Variants in ATXN1 observed in about 807,000 individuals in gnomAD.
ATXN1 encodes ataxin-1.
ATXN1 carries 8 observed loss-of-function variants against 56.4 expected under a neutral mutation model. The observed-to-expected ratio is 0.14, with a 90% CI of 0.08 to 0.26. The LOEUF (loss-of-function observed/expected upper bound fraction) is 0.26, where lower values mean the gene tolerates loss of function less well. ATXN1 is among the 10% of genes least tolerant of loss of function. The pLI is 1.00. For synonymous variants in ATXN1, 514 were observed against 494.6 expected (o/e 1.04, Z -0.52); for missense variants, 987 against 1,106.5 (o/e 0.89, Z 1.53).
intron 5 of ATXN1, among the ~76,000 whole-genome samples, chr6:16,490,064 A>G (rs1361992747): frequency 6.6e-6 from 1 of 151,364 alleles, no homozygotes; most frequent in Non-Finnish European, 1.5e-5. Context: ...TTTTGAGTAC[A>G]TTTAATCACC....
chr6:16,405,344 T>C (rs1293998287), intron 6 of ATXN1, among the ~76,000 whole-genome samples: 1 of 152,220 alleles, frequency 6.6e-6, no homozygotes. Flanking sequence ...TTAGGAACTA[T>C]TCTGGATTCT....
At chr6:16,657,234 G>A (rs983653557) in intron 3 of ATXN1, among the ~76,000 whole-genome samples, 2 of 151,968 alleles carry the variant, frequency 1.3e-5, no homozygotes, top group South Asian at 2.1e-4. Flanking sequence ...TGATCCGCGC[G>A]CCTCGGCCTC....
At chr6:16,649,567 T>C (rs1356778887) in intron 3 of ATXN1, among the ~76,000 whole-genome samples, 6 of 152,252 alleles carry the variant, frequency 3.9e-5, no homozygotes, top group Non-Finnish European at 7.3e-5. Flanking sequence ...ATGTTAGAAT[T>C]TTCTAATGCC....
At chr6:16,370,221 G>C (rs911159412) in intron 6 of ATXN1, among the ~76,000 whole-genome samples, 2 of 152,204 alleles carry the variant, frequency 1.3e-5, no homozygotes, top group Non-Finnish European at 2.9e-5. Flanking sequence ...GCCTGGCAGG[G>C]CTGCTGCTTT....
chr6:16,514,281 T>TA (rs200213884), intron 5 of ATXN1, among the ~76,000 whole-genome samples: 3,310 of 151,556 alleles, frequency 0.022, 58 homozygotes, highest in Non-Finnish European at 0.035. Context: ...TTGTGGAGCT[T>TA]AAAAAAAAGA....
chr6:16,435,580 G>A (rs1377063041), intron 6 of ATXN1, among the ~76,000 whole-genome samples: 1 of 151,978 alleles, frequency 6.6e-6, no homozygotes, highest in Admixed American at 6.5e-5. Flanking sequence ...AAAGTGAGAT[G>A]AGAACTCCTA....
rs146643135 is a variant in ATXN1, at chr6:16,506,933, T to C, written c.-299+15694A>G. Among the ~76,000 whole-genome samples the C allele has an allele frequency of 7.9e-3, 1,204 of 152,314 alleles. 4 individuals carry two copies. Among genetic ancestry groups the C allele is most frequent in the Non-Finnish European group, 0.013 (911 of 68,026 alleles). ...ATGTAGGGATGTATGTACAGCTGGATGGATGAATGGACAGATGGATGGATG... is the reference window on the plus strand; with the variant it reads ...ATGTAGGGATGTATGTACAGCTGGACGGATGAATGGACAGATGGATGGATG... On this transcript the variant is annotated intron_variant, in intron 5 of 7. Transcript: ENST00000436367. This position sits in a 1 kb window ranked among gnomAD's most constrained non-coding sequence, Gnocchi z 4.1.
rs542018418 is a variant in ATXN1, at chr6:16,392,063, C to T, written c.-160-63593G>A. ...GCTGGGTGGCAGAAACTCTATGATA[C>T]CCCAAAGGAAACATCAACTCTTCTC... is the stretch of plus-strand genomic sequence containing the variant. On this transcript the variant is annotated intron_variant, in intron 6 of 7. Coordinates refer to ENST00000436367, the MANE Select transcript of ATXN1 (RefSeq NM_001128164.2). 1.0e-3 allele frequency among the ~76,000 whole-genome samples: 153 copies of T among 152,172 alleles called. 1 individual carries two copies. Among genetic ancestry groups the T allele is most frequent in the Non-Finnish European group, 1.0e-3 (70 of 68,026 alleles).
chr6:16,604,920 G>T (rs1477664186), intron 3 of ATXN1, among the ~76,000 whole-genome samples: 1 of 152,150 alleles, frequency 6.6e-6, no homozygotes, highest in African/African-American at 2.4e-5. Context: ...GAAAACGGAA[G>T]TCTGACTGTT....
intron 2 of ATXN1, among the ~76,000 whole-genome samples, chr6:16,708,524 T>C (rs1759454155): frequency 2.6e-5 from 4 of 152,194 alleles, no homozygotes; most frequent in Non-Finnish European, 4.4e-5. Context: ...TAAGGGCTCA[T>C]TGCAAGACCT....
intron 2 of ATXN1, among the ~76,000 whole-genome samples, chr6:16,748,734 T>A (rs1274849047): frequency 6.6e-6 from 1 of 152,142 alleles, no homozygotes; most frequent in African/African-American, 2.4e-5. Flanking sequence ...GTTTGCTCCA[T>A]CCCTCTTGTT....
intron 2 of ATXN1, among the ~76,000 whole-genome samples, chr6:16,679,845 T>C (rs1357432954): frequency 2.0e-5 from 3 of 152,246 alleles, no homozygotes; most frequent in African/African-American, 7.2e-5. Flanking sequence ...AGTAAGCTTC[T>C]TTAACTTTAA....
intron 2 of ATXN1, among the ~76,000 whole-genome samples, chr6:16,663,369 C>G (rs1758363587): frequency 6.6e-6 from 1 of 151,946 alleles, no homozygotes; most frequent in African/African-American, 2.4e-5. Context: ...ACCGGCAAGA[C>G]CAAAAAATTT....
At chr6:16,521,938 G>GT (rs1250221905) in intron 5 of ATXN1, among the ~76,000 whole-genome samples, 1 of 152,218 alleles carries the variant, frequency 6.6e-6, no homozygotes, top group Non-Finnish European at 1.5e-5. Context: ...TAGTCTATCA[G>GT]TATCAGTCTT....
chr6:16,483,127 T>C (rs1244219699), intron 6 of ATXN1, among the ~76,000 whole-genome samples: 2 of 151,732 alleles, frequency 1.3e-5, no homozygotes, highest in African/African-American at 2.4e-5. Flanking sequence ...TTGTACAAGA[T>C]CCCCCCTCCC....
rs1759966968 is a variant in ATXN1 at position 16,731,149 on chromosome 6, C to A, written c.-615+22084G>T. Reference sequence around the variant, plus strand: ...AGGAGGTTTAGTAGCCTAAAATATACTCTATTTTTCCCTTTAAGTGCAACT... The same window carrying A: ...AGGAGGTTTAGTAGCCTAAAATATAATCTATTTTTCCCTTTAAGTGCAACT... On this transcript the variant is annotated intron_variant, in intron 2 of 7. Transcript: ENST00000436367. Among the ~76,000 whole-genome samples the A allele has an allele frequency of 3.3e-5, 5 of 152,210 alleles. No homozygotes were observed. In the South Asian group the frequency reaches 1.0e-3, roughly 32 times the overall value.
chr6:16,690,728 G>A (rs1055853096), intron 2 of ATXN1, among the ~76,000 whole-genome samples: 2 of 152,128 alleles, frequency 1.3e-5, no homozygotes, highest in Non-Finnish European at 2.9e-5. Flanking sequence ...TGAGAAAACG[G>A]AGGTGGAAAG....
In ATXN1 at chr6:16,300,182, G is replaced by A. The variant is rs879531992; in HGVS notation, c.*6147C>T. ...TAAAGGGAAAGAAAACGTGGGTGAAGCCTCCAATGTATCTGCAGTGGAAGA... is the reference window on the plus strand; with the variant it reads ...TAAAGGGAAAGAAAACGTGGGTGAAACCTCCAATGTATCTGCAGTGGAAGA... On this transcript the variant is annotated 3_prime_UTR_variant, in exon 8 of 8. Transcript: ENST00000436367. 2 of 152,610 alleles carry A rather than the reference G, an allele frequency of 1.3e-5. No homozygotes were observed. Among genetic ancestry groups the A allele is most frequent in the Non-Finnish European group, 2.9e-5 (2 of 68,032 alleles). The allele number at this position is 152,610 out of a possible 1,614,324, so 9.5% of individuals were successfully genotyped here.
At chr6:16,643,627 C>CAAAAAAAAA in intron 3 of ATXN1, among the ~76,000 whole-genome samples, 1 of 63,180 alleles carries the variant, frequency 1.6e-5, no homozygotes, top group Non-Finnish European at 3.4e-5. Flanking sequence ...GAGACCCTGC[C>CAAAAAAAAA]AAAAAAAAAA....
Sources: allele counts gnomAD v4.1 joint callset (sites outside exome capture counted in the v4.1 genomes callset), GRCh38; gene constraint gnomAD v4.1.1; non-coding constraint Gnocchi (gnomAD v3.1); transcripts MANE v1.5; gene names NCBI Gene and HGNC (gene_info 2026-07-23, HGNC 2026-07-21).